The following GPM6B variants were observed in gnomAD, a reference collection of about 807,000 sequenced individuals.
GPM6B encodes the protein neuronal membrane glycoprotein M6-b.
A neutral mutation model predicts 27.2 loss-of-function variants in GPM6B; 4 were observed. That is an observed-to-expected ratio of 0.15 (90% CI 0.07 to 0.34). GPM6B has a LOEUF of 0.34. Among genes scored for constraint, GPM6B ranks in the 10% least tolerant of loss-of-function variants. The pLI is 1.00. For synonymous variants in GPM6B, 124 were observed against 103.1 expected (o/e 1.20, Z -1.23); for missense variants, 183 against 261.9 (o/e 0.70, Z 2.08).
chrX:13,855,655 A>C (rs2049772291), intron 1 of GPM6B, among the ~76,000 whole-genome samples: 1 of 112,144 alleles, frequency 8.9e-6, no homozygotes, highest in African/African-American at 3.2e-5. Context: ...AAGTATGCAA[A>C]GGTCAAGTTT....
At chrX:13,826,555 TACATACAC>T (rs753169346) in intron 1 of GPM6B, among the ~76,000 whole-genome samples, 3,899 of 52,244 alleles carry the variant, frequency 0.075, 102 homozygotes, top group Non-Finnish European at 0.15. Context: ...AATACATACA[TACATACAC>T]ACATACATAC....
chrX:13,773,839 T>C, intron 7 of GPM6B: 1 of 283,295 alleles, frequency 3.5e-6, no homozygotes, highest in Non-Finnish European at 4.8e-6. Context: ...GAACTAGCTA[T>C]GAGGAAACAG....
At chrX:13,816,816 A>G in intron 1 of GPM6B, 28 bp downstream of exon 1, 1 of 1,208,989 alleles carries the variant, frequency 8.3e-7, no homozygotes, top group Non-Finnish European at 1.1e-6. Context: ...AAAAGCTTTA[A>G]ACAGGCTATT....
At chrX:13,780,815 C>G (rs1038833809) in intron 4 of GPM6B, 4 of 179,925 alleles carry the variant, frequency 2.2e-5, no homozygotes, top group African/African-American at 1.3e-4. Flanking sequence ...TCAGAAGGCG[C>G]GCCCACAGAG....
chrX:13,879,494 T>C (rs1178631428), intron 1 of GPM6B, among the ~76,000 whole-genome samples: 1 of 112,334 alleles, frequency 8.9e-6, no homozygotes, highest in Non-Finnish European at 1.9e-5. Context: ...ATTACATCAA[T>C]TCTGAAAATT....
chrX:13,868,614 G>A (rs2049943835), intron 1 of GPM6B, among the ~76,000 whole-genome samples: 1 of 112,401 alleles, frequency 8.9e-6, no homozygotes, highest in African/African-American at 3.2e-5. Context: ...TGGGATGGTT[G>A]CATAAGAGTT....
At position 13,816,799 on chromosome X, in the gene GPM6B, C is replaced by T. The variant is rs374781055; in HGVS notation, c.61+45G>A. 3 of 1,193,312 alleles carry T rather than the reference C, an allele frequency of 2.5e-6. No homozygotes were observed. In the African/African-American group the frequency reaches 5.3e-5, roughly 21 times the overall value. On this transcript the variant is annotated intron_variant, in intron 1 of 7. Coordinates refer to ENST00000316715, the MANE Select transcript of GPM6B (RefSeq NM_001001995.3). ...CCCAGCTAACCCTTTTTAAGCACCC[C>T]CCAGTGAAAAGCTTTAAACAGGCTA...
chrX:13,772,524 CTTA>C lies in GPM6B; in HGVS notation c.*354_*356del, dbSNP rs2048319907. The C allele has an allele frequency of 6.9e-6, 1 of 145,787 alleles. No individual in the cohort carries two copies. The highest frequency in any genetic ancestry group is 3.1e-5 in the African/African-American group (1 of 32,443). 12.0% of individuals were successfully genotyped at this position (145,787 alleles called of 1,213,427 possible). The stretch of plus-strand genomic sequence containing the variant: ...CTTGATGCTGGGCATGTCACAGGTC[CTTA>C]TTAAGGAGTCACAGGTCCCTATTAA... On this transcript the variant is annotated 3_prime_UTR_variant, in exon 8 of 8. Coordinates refer to ENST00000316715, the MANE Select transcript of GPM6B (RefSeq NM_001001995.3).
chrX:13,788,366 C>T (rs781163133), intron 2 of GPM6B, among the ~76,000 whole-genome samples: 1 of 108,914 alleles, frequency 9.2e-6, no homozygotes, highest in Non-Finnish European at 1.9e-5. Context: ...GATACAGACC[C>T]CTGCAGAGCC....
intron 2 of GPM6B, among the ~76,000 whole-genome samples, chrX:13,799,926 T>TC (rs755163730): frequency 8.9e-6 from 1 of 111,795 alleles, no homozygotes; most frequent in East Asian, 2.8e-4. Context: ...CCCCCAATGA[T>TC]CCCCACAAAC....
At position 13,783,526 on chromosome X, in the gene GPM6B, A is replaced by G. The variant is rs1031012566; in HGVS notation, c.369-5T>C. ...ACATACTGCATCAGTTGTATCCTAC[A>G]AAGAGAAGAAGAGATCCTGAACCAT... On this transcript the variant is annotated splice_region_variant and splice_polypyrimidine_tract_variant and intron_variant, in intron 3 of 7. Transcript: ENST00000316715. 13 of 1,186,774 alleles carry G rather than the reference A, an allele frequency of 1.1e-5. No individual in the cohort carries two copies. The highest frequency in any genetic ancestry group is 1.4e-5 in the Non-Finnish European group (12 of 881,379).
chrX:13,846,305 T>C (rs1378228476), intron 1 of GPM6B, among the ~76,000 whole-genome samples: 1 of 111,084 alleles, frequency 9.0e-6, no homozygotes, highest in Admixed American at 9.6e-5. Flanking sequence ...GACATCATGC[T>C]GGATACTTCC....
chrX:13,776,981 G>A (rs1186818090), intron 6 of GPM6B, among the ~76,000 whole-genome samples: 4 of 108,757 alleles, frequency 3.7e-5, no homozygotes, highest in Non-Finnish European at 5.7e-5. Flanking sequence ...ACTTACATCC[G>A]TTCTGTGACA....
At chrX:13,818,457 T>C (rs951204408), upstream of GPM6B, among the ~76,000 whole-genome samples, 17 of 112,404 alleles carry the variant, frequency 1.5e-4, no homozygotes, top group Admixed American at 1.0e-3. Flanking sequence ...AATACCTTGG[T>C]TTTAGATAAT....
chrX:13,850,995 T>C (rs1408937645), intron 1 of GPM6B, among the ~76,000 whole-genome samples: 1 of 109,044 alleles, frequency 9.2e-6, no homozygotes, highest in African/African-American at 3.3e-5. Context: ...AAACTCCATC[T>C]CTACTAAAAA....
chrX:13,793,784 G>A (rs1231106902), intron 2 of GPM6B, among the ~76,000 whole-genome samples: 1 of 110,470 alleles, frequency 9.1e-6, no homozygotes, highest in Non-Finnish European at 1.9e-5. Context: ...AGAGGGTTGG[G>A]GTTTGTTTTT....
intron 1 of GPM6B, among the ~76,000 whole-genome samples, chrX:13,888,287 T>C (rs994472577): frequency 3.6e-5 from 4 of 112,331 alleles, no homozygotes; most frequent in Non-Finnish European, 5.6e-5. Flanking sequence ...GATCTTCCAA[T>C]GTACATGCAA....
At chrX:13,901,687 C>T (rs547339288) in intron 1 of GPM6B, among the ~76,000 whole-genome samples, 1 of 111,133 alleles carries the variant, frequency 9.0e-6, no homozygotes, top group South Asian at 3.8e-4. Context: ...GAGTAGAGAA[C>T]ACACACTTGT....
chrX:13,843,422 T>C (rs1403469319), intron 1 of GPM6B, among the ~76,000 whole-genome samples: 2 of 112,621 alleles, frequency 1.8e-5, no homozygotes, highest in African/African-American at 3.2e-5. Context: ...CAAGCTTTTG[T>C]GTGAACACAA....
Sources: gnomAD v4.1 joint callset for allele counts (sites outside exome capture counted in the v4.1 genomes callset) on GRCh38, gnomAD v4.1.1 for gene constraint, MANE v1.5 for transcripts, NCBI Gene and HGNC (gene_info 2026-07-23, HGNC 2026-07-21) for gene names.